The following RYR3 variants were observed in gnomAD, a reference collection of about 807,000 sequenced individuals.
RYR3 encodes the protein ryanodine receptor 3.
In RYR3, 207 loss-of-function variants were observed where a neutral mutation model predicts 584.3. The ratio of observed to expected loss-of-function variants is 0.35; its 90% confidence interval spans 0.32 to 0.40. The LOEUF is 0.40. Among genes scored for constraint, RYR3 ranks in the 10% least tolerant of loss-of-function variants. The pLI is 1.00. For synonymous variants in RYR3, 2,416 were observed against 2,248.5 expected, an observed-to-expected ratio of 1.07 and a Z score of -2.11; for missense variants, 5,616 against 6,089.2, an observed-to-expected ratio of 0.92 and a Z score of 2.59.
chr15:33,447,759 C>T (rs1373236173), intron 1 of RYR3, among the ~76,000 whole-genome samples: 3 of 152,144 alleles, frequency 2.0e-5, no homozygotes, highest in African/African-American at 4.8e-5. Flanking sequence ...CCACAGAGTA[C>T]GGACCATTTC....
chr15:33,347,046 G>A (rs1236586030), intron 1 of RYR3, among the ~76,000 whole-genome samples: 2 of 152,160 alleles, frequency 1.3e-5, no homozygotes, highest in African/African-American at 4.8e-5. Flanking sequence ...GATCACAGAT[G>A]TAAAATGCCA....
intron 1 of RYR3, among the ~76,000 whole-genome samples, chr15:33,454,927 C>T (rs551165791): frequency 6.6e-6 from 1 of 152,156 alleles, no homozygotes; most frequent in South Asian, 2.1e-4. Context: ...ACGTTATTGG[C>T]AAACTATGGA....
chr15:33,613,710 A>G (rs1379078623), intron 19 of RYR3, among the ~76,000 whole-genome samples: 4 of 152,272 alleles, frequency 2.6e-5, no homozygotes, highest in African/African-American at 4.8e-5. Context: ...AAAATCACCT[A>G]TGATTCCAAT....
chr15:33,686,844 A>G (rs1002461771), intron 38 of RYR3, among the ~76,000 whole-genome samples: 1 of 152,260 alleles, frequency 6.6e-6, no homozygotes, highest in African/African-American at 2.4e-5. Flanking sequence ...CAATAGATGC[A>G]GAAAAGCCTT....
intron 12 of RYR3, among the ~76,000 whole-genome samples, chr15:33,577,245 T>C (rs7183338): frequency 0.056 from 8,536 of 152,202 alleles, 362 homozygotes; most frequent in African/African-American, 0.12. Context: ...ATTGACATTC[T>C]TCACAGAATT....
At chr15:33,404,340 T>A (rs1288948859) in intron 1 of RYR3, among the ~76,000 whole-genome samples, 1 of 152,224 alleles carries the variant, frequency 6.6e-6, no homozygotes, top group African/African-American at 2.4e-5. Context: ...CATCCCTTCT[T>A]ACCAACTAAA....
chr15:33,702,531 G>A (rs572313958), intron 42 of RYR3, among the ~76,000 whole-genome samples: 13 of 152,330 alleles, frequency 8.5e-5, no homozygotes, highest in Non-Finnish European at 1.8e-4. Context: ...AGGAGGTAGA[G>A]CAGATCTGAG....
intron 38 of RYR3, among the ~76,000 whole-genome samples, chr15:33,679,150 C>G (rs555031157): frequency 6.3e-4 from 81 of 129,344 alleles, no homozygotes; most frequent in African/African-American, 2.3e-3. Context: ...GGCATGAGTT[C>G]CCCTCCCCCC....
At chr15:33,653,497 T>C (rs542015434) in intron 32 of RYR3, among the ~76,000 whole-genome samples, 4 of 152,060 alleles carry the variant, frequency 2.6e-5, no homozygotes, top group African/African-American at 7.2e-5. Context: ...TAGTGAAACC[T>C]GTCTCTATTA....
chr15:33,766,276 C>G (rs529638998), intron 60 of RYR3, among the ~76,000 whole-genome samples: 3 of 143,088 alleles, frequency 2.1e-5, no homozygotes, highest in African/African-American at 8.2e-5. Flanking sequence ...CAGTGAGTCT[C>G]CACCTCAAAA....
At chr15:33,751,240 G>T (rs1243743596) in intron 57 of RYR3, among the ~76,000 whole-genome samples, 1 of 152,152 alleles carries the variant, frequency 6.6e-6, no homozygotes, top group Non-Finnish European at 1.5e-5. Flanking sequence ...AATCCTTTGG[G>T]TATATACCCA....
intron 13 of RYR3, among the ~76,000 whole-genome samples, chr15:33,580,499 C>T (rs895134253): frequency 6.6e-6 from 1 of 152,184 alleles, no homozygotes; most frequent in Non-Finnish European, 1.5e-5. Flanking sequence ...ATGCAGATGC[C>T]TGGATTCTAC....
chr15:33,382,021 T>G (rs1682528343), intron 1 of RYR3, among the ~76,000 whole-genome samples: 1 of 152,118 alleles, frequency 6.6e-6, no homozygotes, highest in Admixed American at 6.5e-5. Flanking sequence ...AAGAGGGGTG[T>G]CAAAATTAGA....
intron 1 of RYR3, among the ~76,000 whole-genome samples, chr15:33,456,675 A>T (rs1291066464): frequency 6.6e-6 from 1 of 152,196 alleles, no homozygotes; most frequent in Non-Finnish European, 1.5e-5. Context: ...ATGACAAAGC[A>T]TGAGAAATGG....
At chr15:33,461,784 A>T (rs1476983156) in intron 1 of RYR3, among the ~76,000 whole-genome samples, 1 of 152,158 alleles carries the variant, frequency 6.6e-6, no homozygotes, top group East Asian at 1.9e-4. Context: ...TCTTACTCAG[A>T]TTCTTCTGGT....
chr15:33,523,467 G>A (rs2054161748), intron 3 of RYR3, among the ~76,000 whole-genome samples: 1 of 152,144 alleles, frequency 6.6e-6, no homozygotes, highest in African/African-American at 2.4e-5. Flanking sequence ...TTCAGGAGCT[G>A]TAGCACTCAC....
chr15:33,574,536 T>G (rs902341853), intron 12 of RYR3, among the ~76,000 whole-genome samples: 4 of 152,142 alleles, frequency 2.6e-5, no homozygotes, highest in South Asian at 4.1e-4. Flanking sequence ...AGGAGTTGAA[T>G]ACACACTGAT....
rs1233891385 is a variant in RYR3 at position 33,662,354 on chromosome 15, CCTG to C, written c.4827_4829del (p.Leu1610del). ...GCCTCCTTCGATCTGGTTTCTATGA[CCTG>C]CTCATCAGCATCCACCTGGCCAGCG... is the stretch of plus-strand genomic sequence containing the variant. On this transcript the variant is annotated inframe_deletion, in exon 35 of 104. Transcript: ENST00000634891. 1 of 1,612,720 alleles carries C rather than the reference CCTG, an allele frequency of 6.2e-7. No individual in the cohort carries two copies. The highest frequency in any genetic ancestry group is 8.5e-7 in the Non-Finnish European group (1 of 1,179,470).
chr15:33,578,772 A>AG (rs2058436977), intron 12 of RYR3, among the ~76,000 whole-genome samples: 1 of 18,298 alleles, frequency 5.5e-5, no homozygotes, highest in Non-Finnish European at 1.1e-4. Flanking sequence ...GAATAAAAAA[A>AG]AAAAAACAAC....
Sources: allele counts gnomAD v4.1 joint callset (sites outside exome capture counted in the v4.1 genomes callset), GRCh38; gene constraint gnomAD v4.1.1; transcripts MANE v1.5; gene names NCBI Gene and HGNC (gene_info 2026-07-23, HGNC 2026-07-21).